The following FOLH1 variants were observed in gnomAD, a reference collection of about 807,000 sequenced individuals.
FOLH1 encodes glutamate carboxypeptidase 2.
FOLH1 carries 54 observed loss-of-function variants against 93.9 expected under a neutral mutation model. The observed-to-expected ratio is 0.57, with a 90% CI of 0.46 to 0.72. The LOEUF is 0.72. Ranked by LOEUF, FOLH1 falls within the 30% of genes least tolerant of loss-of-function variation. The pLI is 0.00. For missense variants in FOLH1, 571 were observed against 892.5 expected (o/e 0.64, Z 4.59); for synonymous variants, 249 against 303.6 (o/e 0.82, Z 1.87).
intron 3 of FOLH1, among the ~76,000 whole-genome samples, chr11:49,193,139 C>G (rs1276664843): frequency 6.6e-6 from 1 of 151,870 alleles, no homozygotes; most frequent in African/African-American, 2.4e-5. Flanking sequence ...CTAAAAAAAC[C>G]CCACCAATAA....
chr11:49,170,094 G>A (rs1859060238), intron 11 of FOLH1, among the ~76,000 whole-genome samples: 1 of 151,780 alleles, frequency 6.6e-6, no homozygotes, highest in Non-Finnish European at 1.5e-5. Context: ...GAGTATGAAA[G>A]GAGCCAGTAA....
Position 49,145,173 on chromosome 11 carries a change from T to C in FOLH1, c.*1583A>G, listed in dbSNP as rs1855732146. On this transcript the variant is annotated 3_prime_UTR_variant, in exon 19 of 19. Coordinates refer to ENST00000256999, the MANE Select transcript of FOLH1 (RefSeq NM_004476.3). ...TCCACTCCAAACTCCCACTTGATTG[T>C]CTTCATAAATAGATCTGGGCCCATT... Among the ~76,000 whole-genome samples the C allele has an allele frequency of 6.6e-6, 1 of 152,184 alleles. No individual in the cohort carries two copies. Among genetic ancestry groups the C allele is most frequent in the East Asian group, 1.9e-4 (1 of 5,180 alleles).
At chr11:49,196,892 G>C (rs73473175) in intron 3 of FOLH1, among the ~76,000 whole-genome samples, 114 of 152,294 alleles carry the variant, frequency 7.5e-4, no homozygotes, top group African/African-American at 2.5e-3. Flanking sequence ...GGTCAGTGCA[G>C]TAATACAAAT....
chr11:49,206,274 T>C (rs1590715311), intron 1 of FOLH1, 102 bp from the exon 2 acceptor site: 2 of 1,537,066 alleles, frequency 1.3e-6, no homozygotes. Flanking sequence ...AAATTATCAA[T>C]ATTACCTCTG....
intron 4 of FOLH1, among the ~76,000 whole-genome samples, chr11:49,190,320 T>C (rs573978001): frequency 6.6e-6 from 1 of 152,312 alleles, no homozygotes; most frequent in African/African-American, 2.4e-5. Context: ...GTGACAGATA[T>C]TCCCTCTCAG....
chr11:49,172,697 C>A (rs1859484118), intron 10 of FOLH1, among the ~76,000 whole-genome samples: 1 of 152,032 alleles, frequency 6.6e-6, no homozygotes, highest in African/African-American at 2.4e-5. Context: ...ACCTTGTTTG[C>A]AGGGTCAATA....
intron 6 of FOLH1, among the ~76,000 whole-genome samples, chr11:49,183,978 T>C (rs1242640625): frequency 6.6e-6 from 1 of 152,122 alleles, no homozygotes; most frequent in Non-Finnish European, 1.5e-5. Flanking sequence ...ACTGAACTCT[T>C]GAGATCTATG....
intron 16 of FOLH1, 123 bp from the exon 17 acceptor site, chr11:49,154,050 A>AT: frequency 1.5e-6 from 2 of 1,315,070 alleles, no homozygotes; most frequent in Non-Finnish European, 2.1e-6. Flanking sequence ...AGGTATTTAT[A>AT]TTTTTATATT....
At chr11:49,178,083 C>T (rs188064737) in intron 7 of FOLH1, among the ~76,000 whole-genome samples, 80 of 152,144 alleles carry the variant, frequency 5.3e-4, no homozygotes, top group African/African-American at 1.8e-3. Context: ...AGCACTATGA[C>T]GCAGCTCAGG....
intron 3 of FOLH1, among the ~76,000 whole-genome samples, chr11:49,196,205 C>A (rs1392251989): frequency 6.6e-6 from 1 of 151,958 alleles, no homozygotes; most frequent in Non-Finnish European, 1.5e-5. Context: ...AGTCATATAT[C>A]AAGCAATAAA....
intron 1 of FOLH1, among the ~76,000 whole-genome samples, chr11:49,206,530 C>T (rs1373249169): frequency 1.3e-5 from 2 of 152,164 alleles, no homozygotes; most frequent in East Asian, 3.8e-4. Context: ...AAAGGAGATC[C>T]ACCTTCTACT....
At chr11:49,180,315 G>A (rs367568396) in intron 7 of FOLH1, among the ~76,000 whole-genome samples, 62 of 152,208 alleles carry the variant, frequency 4.1e-4, no homozygotes, top group Middle Eastern at 3.4e-3. Context: ...TATAATTATC[G>A]TCCTGGAAGT....
At chr11:49,196,589 A>T (rs1862645991) in intron 3 of FOLH1, among the ~76,000 whole-genome samples, 1 of 150,046 alleles carries the variant, frequency 6.7e-6, no homozygotes, top group Admixed American at 6.6e-5. Flanking sequence ...TAATATTACA[A>T]GTTCAAAAAA....
intron 4 of FOLH1, among the ~76,000 whole-genome samples, chr11:49,190,853 G>T (rs560858435): frequency 6.6e-6 from 1 of 152,156 alleles, no homozygotes; most frequent in Non-Finnish European, 1.5e-5. Context: ...ACGGAATCTA[G>T]CTCTGTCGCC....
At chr11:49,184,892 G>A (rs560247880) in intron 6 of FOLH1, among the ~76,000 whole-genome samples, 4 of 152,292 alleles carry the variant, frequency 2.6e-5, no homozygotes, top group Admixed American at 2.0e-4. Context: ...AGACTACTAT[G>A]TGGACTCTGT....
chr11:49,183,065 A>G (rs1180988229), intron 7 of FOLH1, 84 bp downstream of exon 7: 1 of 1,220,858 alleles, frequency 8.2e-7, no homozygotes, highest in Non-Finnish European at 1.2e-6. Context: ...TAAGTACTAA[A>G]AAATGGAGAT....
rs1411522885 is a variant in FOLH1, at chr11:49,145,956, C to T, written c.*800G>A. ...TAAAAGTCAATGAAAAAAATCAAGT[C>T]CCTGAAAATTACACATGGTATGATT... On this transcript the variant is annotated 3_prime_UTR_variant, in exon 19 of 19. Transcript: ENST00000256999. Among the ~76,000 whole-genome samples, 2 of 151,952 alleles carry T rather than the reference C, an allele frequency of 1.3e-5. No individual in the cohort carries two copies. Among genetic ancestry groups the T allele is most frequent in the African/African-American group, 4.8e-5 (2 of 41,360 alleles).
At chr11:49,182,982 C>G (rs1860951595) in intron 7 of FOLH1, among the ~76,000 whole-genome samples, 167 bp downstream of exon 7, 2 of 152,112 alleles carry the variant, frequency 1.3e-5, no homozygotes, top group Non-Finnish European at 2.9e-5. Context: ...CATGTATATA[C>G]TAAATTCCAG....
intron 7 of FOLH1, among the ~76,000 whole-genome samples, chr11:49,176,825 C>G (rs58385007): frequency 0.34 from 49,082 of 142,594 alleles, 10,415 homozygotes; most frequent in African/African-American, 0.56. Flanking sequence ...TGTTCCTTAA[C>G]AATACTCCAA....
Sources: gnomAD v4.1 joint callset for allele counts (sites outside exome capture counted in the v4.1 genomes callset) on GRCh38, gnomAD v4.1.1 for gene constraint, MANE v1.5 for transcripts, NCBI Gene and HGNC (gene_info 2026-07-23, HGNC 2026-07-21) for gene names.